Variants in ANKRD30B observed in about 807,000 individuals in gnomAD.
ANKRD30B encodes the protein ankyrin repeat domain 30B, also known as ankyrin repeat domain-containing protein 30B.
A neutral mutation model predicts 202.2 loss-of-function variants in ANKRD30B; 144 were observed. The observed-to-expected ratio is 0.71, with a 90% CI of 0.62 to 0.82. The LOEUF (loss-of-function observed/expected upper bound fraction) is 0.82, where lower values mean the gene tolerates loss of function less well. Ranked by LOEUF, ANKRD30B falls within the 40% of genes least tolerant of loss-of-function variation. The probability of loss-of-function intolerance (pLI) is 0.00; values close to 1 mark genes in which losing one functional copy is unlikely to be tolerated. For missense variants in ANKRD30B, 1,487 were observed against 1,669.1 expected, an observed-to-expected ratio of 0.89 and a Z score of 1.90; for synonymous variants, 508 against 561.3, an observed-to-expected ratio of 0.91 and a Z score of 1.34.
intron 24 of ANKRD30B, among the ~76,000 whole-genome samples, chr18:14,805,125 T>A (rs1969427954): frequency 6.6e-6 from 1 of 150,858 alleles, no homozygotes; most frequent in South Asian, 2.1e-4. Flanking sequence ...CATACTAGAA[T>A]GTAAGAACCT....
At chr18:14,908,937 G>A in the ANKRD30B span, among the ~76,000 whole-genome samples, 2 of 152,198 alleles carry the variant, frequency 1.3e-5, no homozygotes, top group Non-Finnish European at 2.9e-5. Context: ...AGGACTCACT[G>A]CCACTAGTCC....
intron 10 of ANKRD30B, among the ~76,000 whole-genome samples, chr18:14,779,438 A>G (rs916666541): frequency 1.3e-5 from 2 of 152,358 alleles, no homozygotes; most frequent in South Asian, 2.1e-4. Flanking sequence ...ACGCATTCAC[A>G]CCAAATATAC....
chr18:14,871,026 C>A, the ANKRD30B span, among the ~76,000 whole-genome samples: 3 of 121,556 alleles, frequency 2.5e-5, no homozygotes, highest in Non-Finnish European at 1.7e-5. Flanking sequence ...TACCCACACA[C>A]CCTCACCCAC....
the ANKRD30B span, among the ~76,000 whole-genome samples, chr18:14,904,413 G>A: frequency 6.6e-6 from 1 of 152,102 alleles, no homozygotes; most frequent in Non-Finnish European, 1.5e-5. Flanking sequence ...CCTCAGTTTT[G>A]GGGGACTGTT....
chr18:14,797,724 C>G (rs368839754), intron 19 of ANKRD30B, 35 bp downstream of exon 19: 374 of 1,607,380 alleles, frequency 2.3e-4, no homozygotes, highest in Non-Finnish European at 3.0e-4. Context: ...TGAATATTAA[C>G]TACATATTTT....
At chr18:14,898,789 A>G in the ANKRD30B span, among the ~76,000 whole-genome samples, 3 of 152,284 alleles carry the variant, frequency 2.0e-5, no homozygotes, top group South Asian at 6.2e-4. Context: ...ATGTGAATAT[A>G]TCCTCTGAAG....
At chr18:14,756,418 A>G (rs907356898) in intron 4 of ANKRD30B, among the ~76,000 whole-genome samples, 17 of 152,020 alleles carry the variant, frequency 1.1e-4, no homozygotes, top group African/African-American at 3.9e-4. Flanking sequence ...ATTAGATCCC[A>G]TTTGTCAATT....
the ANKRD30B span, among the ~76,000 whole-genome samples, chr18:14,870,984 C>T: frequency 2.0e-5 from 3 of 147,376 alleles, no homozygotes; most frequent in Non-Finnish European, 4.5e-5. Context: ...AACCCACACA[C>T]TCTCACCCGC....
Position 14,791,507 on chromosome 18 carries a change from T to C in ANKRD30B, c.1825+16T>C. The C allele has an allele frequency of 6.3e-7, 1 of 1,586,306 alleles. No homozygotes were observed. Among genetic ancestry groups the C allele is most frequent in the Non-Finnish European group, 8.6e-7 (1 of 1,163,728 alleles). ...AAATTAGAAGGTAAGAACCATTTTT[T>C]AATTAAAAAGTCATTTGACCAAATA... On this transcript the variant is annotated intron_variant, in intron 16 of 43. Transcript: ENST00000690538.
the ANKRD30B span, among the ~76,000 whole-genome samples, chr18:14,876,507 T>C: frequency 6.6e-6 from 1 of 152,178 alleles, no homozygotes; most frequent in African/African-American, 2.4e-5. Flanking sequence ...CCTGATCTCA[T>C]GGGGGTCTTA....
intron 30 of ANKRD30B, among the ~76,000 whole-genome samples, chr18:14,820,191 G>A (rs1970340526): frequency 6.6e-6 from 1 of 152,112 alleles, no homozygotes; most frequent in Non-Finnish European, 1.5e-5. Context: ...AAGAATGCTT[G>A]TGATTTTTGT....
the ANKRD30B span, among the ~76,000 whole-genome samples, chr18:14,930,256 T>C: frequency 6.6e-6 from 1 of 151,164 alleles, no homozygotes. Flanking sequence ...GATGGTGACC[T>C]GGGCCTGGAT....
Position 14,787,015 on chromosome 18 carries a change from A to G in ANKRD30B, c.1673-24A>G, listed in dbSNP as rs777658826. On this transcript the variant is annotated intron_variant, in intron 14 of 43. Transcript: ENST00000690538. ...ATAGTAGAGAAATGTTCTCATGAAT[A>G]CATCTGTGATTAACCTTTTATAGCT... 8.8e-6 allele frequency: 14 copies of G among 1,595,808 alleles called. No homozygotes were observed. The African/African-American group carries it at 1.5e-4, about 17-fold the overall frequency.
chr18:14,934,573 G>T, the ANKRD30B span, among the ~76,000 whole-genome samples: 1 of 152,150 alleles, frequency 6.6e-6, no homozygotes, highest in South Asian at 2.1e-4. Context: ...GAAGCCAGGA[G>T]CCACCGATGC....
intron 1 of ANKRD30B, among the ~76,000 whole-genome samples, chr18:14,751,280 A>G (rs67044513): frequency 0.33 from 49,978 of 151,888 alleles, 8,634 homozygotes; most frequent in Middle Eastern, 0.41. Flanking sequence ...CAGTTTTTTA[A>G]GATACTGTAC....
At chr18:14,823,343 T>C (rs1970530994) in intron 32 of ANKRD30B, among the ~76,000 whole-genome samples, 1 of 128,998 alleles carries the variant, frequency 7.8e-6, no homozygotes, top group Non-Finnish European at 1.6e-5. Flanking sequence ...TTTGACACTG[T>C]GAAATATTTG....
intron 16 of ANKRD30B, among the ~76,000 whole-genome samples, chr18:14,795,281 G>C (rs1442200236): frequency 4.6e-5 from 7 of 152,184 alleles, no homozygotes; most frequent in South Asian, 2.1e-4. Context: ...ACTGCCACCT[G>C]GGCCTCCTGG....
chr18:14,851,364 GT>G (rs1971876769), intron 41 of ANKRD30B, 144 bp from the exon 42 acceptor site: 1 of 738,546 alleles, frequency 1.4e-6, no homozygotes, highest in Non-Finnish European at 2.0e-6. Context: ...AGTATTTGAA[GT>G]TTTGATTCAA....
the ANKRD30B span, among the ~76,000 whole-genome samples, chr18:14,876,836 T>C: frequency 3.3e-5 from 5 of 152,356 alleles, no homozygotes; most frequent in African/African-American, 1.2e-4. Flanking sequence ...TGTTTATGAA[T>C]ACGAGCTTTG....
Sources: gnomAD v4.1 joint callset for allele counts (sites outside exome capture counted in the v4.1 genomes callset) on GRCh38, gnomAD v4.1.1 for gene constraint, MANE v1.5 for transcripts, NCBI Gene and HGNC (gene_info 2026-07-23, HGNC 2026-07-21) for gene names.